The following NECTIN3 variants were observed in gnomAD, a reference collection of about 807,000 sequenced individuals.
NECTIN3 encodes nectin cell adhesion molecule 3, also known as nectin-3.
Under a neutral mutation model 49.4 loss-of-function variants are expected in NECTIN3, and 8 were observed. The ratio of observed to expected loss-of-function variants is 0.16; its 90% CI spans 0.10 to 0.29. The LOEUF is 0.29. Among genes scored for constraint, NECTIN3 ranks in the 10% least tolerant of loss-of-function variants. NECTIN3 has a pLI of 1.00. For synonymous variants in NECTIN3, 277 were observed against 241.1 expected (o/e 1.15, Z -1.38); for missense variants, 581 against 654.6 (o/e 0.89, Z 1.23).
At chr3:111,092,343 G>A (rs1399760332) in intron 1 of NECTIN3, among the ~76,000 whole-genome samples, 1 of 152,036 alleles carries the variant, frequency 6.6e-6, no homozygotes, top group Non-Finnish European at 1.5e-5. Context: ...AATTGCTTAT[G>A]CTTGTGCCAT....
At chr3:111,121,994 T>A (rs1016213905) in intron 3 of NECTIN3, 127 bp from the exon 4 acceptor site, 2 of 639,402 alleles carry the variant, frequency 3.1e-6, no homozygotes, top group African/African-American at 1.8e-5. Flanking sequence ...TGATTATACA[T>A]GTTGAGACTA....
chr3:111,140,450 A>G (rs537805473), downstream of NECTIN3, among the ~76,000 whole-genome samples: 1 of 151,688 alleles, frequency 6.6e-6, no homozygotes, highest in Non-Finnish European at 1.5e-5. Context: ...GTGTATTAAG[A>G]GTAAGATATT....
intron 7 of NECTIN3, among the ~76,000 whole-genome samples, chr3:111,177,237 T>C (rs2035547272): frequency 6.6e-6 from 1 of 151,932 alleles, no homozygotes; most frequent in Admixed American, 6.5e-5. Flanking sequence ...CATTTATCTA[T>C]ACCCTTACCT....
intron 2 of NECTIN3, among the ~76,000 whole-genome samples, chr3:111,116,528 A>G (rs1251342235): frequency 6.6e-6 from 1 of 152,116 alleles, no homozygotes; most frequent in Non-Finnish European, 1.5e-5. Flanking sequence ...GTTGAGTTTT[A>G]GATTAGGGGT....
chr3:111,126,452 A>G (rs1055688580), intron 5 of NECTIN3, 117 bp downstream of exon 5: 2 of 866,606 alleles, frequency 2.3e-6, no homozygotes, highest in African/African-American at 3.6e-5. Context: ...CTCAGTGTGA[A>G]GTTTTTCCAA....
chr3:111,181,884 C>G (rs2035632768), intron 7 of NECTIN3, among the ~76,000 whole-genome samples: 1 of 151,840 alleles, frequency 6.6e-6, no homozygotes, highest in Non-Finnish European at 1.5e-5. Context: ...ATTTTTCACT[C>G]TTTTTTTCTA....
Position 111,134,720 on chromosome 3 carries a change from C to T in NECTIN3, c.*505C>T. 2.2e-6 allele frequency: 2 copies of T among 891,440 alleles called. No individual in the cohort carries two copies. Among genetic ancestry groups the T allele is most frequent in the South Asian group, 5.2e-5 (1 of 19,314 alleles). 55.2% of individuals were successfully genotyped at this position (891,440 alleles called of 1,614,324 possible). On this transcript the variant is annotated 3_prime_UTR_variant, in exon 6 of 6. Transcript: ENST00000485303. ...TTTTAATATACAAAAAATATTTAGC[C>T]TGATGGAATGGCTTTCCTTTTCAAA... is the stretch of plus-strand genomic sequence containing the variant.
chr3:111,107,467 G>T (rs147291162), intron 1 of NECTIN3, among the ~76,000 whole-genome samples: 1 of 152,104 alleles, frequency 6.6e-6, no homozygotes, highest in African/African-American at 2.4e-5. Flanking sequence ...GTTTTCCTAC[G>T]TGTCTAGAGT....
chr3:111,103,421 T>C (rs1227883978), intron 1 of NECTIN3, among the ~76,000 whole-genome samples: 1 of 151,972 alleles, frequency 6.6e-6, no homozygotes, highest in African/African-American at 2.4e-5. Flanking sequence ...AAATTCCACT[T>C]GATCATTACT....
chr3:111,074,342 C>T (rs1368723726), intron 1 of NECTIN3: 3 of 385,202 alleles, frequency 7.8e-6, no homozygotes, highest in Non-Finnish European at 1.6e-5. Flanking sequence ...CAAGGTTTGG[C>T]ATGTAATTAA....
chr3:111,147,488 T>C (rs2034903101), intron 7 of NECTIN3: 2 of 1,496,036 alleles, frequency 1.3e-6, no homozygotes, highest in Non-Finnish European at 1.8e-6. Context: ...ATTTCAGGTA[T>C]GTGTTCATGA....
chr3:111,193,034 G>T (rs979843045), intron 1 of NECTIN3, among the ~76,000 whole-genome samples: 5 of 152,142 alleles, frequency 3.3e-5, no homozygotes, highest in African/African-American at 1.2e-4. Context: ...AGCGACAAAT[G>T]ACTGGAAAAT....
At chr3:111,130,552 T>C (rs2034349576) in intron 5 of NECTIN3, among the ~76,000 whole-genome samples, 1 of 152,160 alleles carries the variant, frequency 6.6e-6, no homozygotes, top group South Asian at 2.1e-4. Context: ...AAAATAGATA[T>C]TTAAAAATTT....
intron 7 of NECTIN3, among the ~76,000 whole-genome samples, chr3:111,149,566 T>A (rs1261317101): frequency 6.6e-6 from 1 of 151,648 alleles, no homozygotes; most frequent in Admixed American, 6.6e-5. Flanking sequence ...TTTAGGCATT[T>A]TGATAGTCAC....
intron 2 of NECTIN3, among the ~76,000 whole-genome samples, chr3:111,114,983 C>T (rs1012025458): frequency 3.3e-5 from 5 of 152,276 alleles, no homozygotes; most frequent in East Asian, 1.9e-4. Flanking sequence ...CCGCAGAATA[C>T]TACGGGACCA....
chr3:111,193,039 G>A (rs926965397), intron 1 of NECTIN3, among the ~76,000 whole-genome samples: 13 of 152,134 alleles, frequency 8.5e-5, no homozygotes, highest in African/African-American at 3.1e-4. Flanking sequence ...CAAATGACTG[G>A]AAAATATAAG....
chr3:111,072,244 G>C, intron 1 of NECTIN3, 67 bp downstream of exon 1: 1 of 1,486,618 alleles, frequency 6.7e-7, no homozygotes, highest in Admixed American at 2.2e-5. Flanking sequence ...CGCCGCGGCC[G>C]GCTCTGCCAG....
At chr3:111,185,632 A>G (rs1272384449) in intron 7 of NECTIN3, among the ~76,000 whole-genome samples, 3 of 152,214 alleles carry the variant, frequency 2.0e-5, no homozygotes, top group Non-Finnish European at 2.9e-5. Flanking sequence ...CAACAGATAG[A>G]TGCAGAGCAC....
At chr3:111,115,621 G>A (rs942063115) in intron 2 of NECTIN3, among the ~76,000 whole-genome samples, 1 of 152,184 alleles carries the variant, frequency 6.6e-6, no homozygotes, top group South Asian at 2.1e-4. Context: ...TCACATAGAG[G>A]AATGCCTAAC....
Sources: gnomAD v4.1 joint callset for allele counts (sites outside exome capture counted in the v4.1 genomes callset) on GRCh38, gnomAD v4.1.1 for gene constraint, MANE v1.5 for transcripts, NCBI Gene and HGNC (gene_info 2026-07-23, HGNC 2026-07-21) for gene names.